MOSMO: variants seen among roughly 807,000 people sequenced by gnomAD.
MOSMO encodes modulator of smoothened protein.
Under a neutral mutation model 18.4 loss-of-function variants are expected in MOSMO, and 5 were observed. The ratio of observed to expected loss-of-function variants is 0.27; its 90% confidence interval spans 0.14 to 0.57. The LOEUF is 0.57. Among genes scored for constraint, MOSMO ranks in the 20% least tolerant of loss-of-function variants. The pLI is 0.92. For synonymous variants in MOSMO, 82 were observed against 82.3 expected (o/e 1.00, Z 0.02); for missense variants, 138 against 211.8 (o/e 0.65, Z 2.16).
rs190757001 is a variant in MOSMO, at chr16:22,071,893, A to G, written c.107-3594A>G. 2.0e-5 allele frequency among the ~76,000 whole-genome samples: 3 copies of G among 152,336 alleles called. No homozygotes were observed. In the East Asian group the frequency reaches 5.8e-4, roughly 29 times the overall value. The stretch of plus-strand genomic sequence containing the variant: ...ATAAGTGTGCAGAAACCACATTAAG[A>G]TAGCTCTACAGTAGAGAACTTATTT... On this transcript the variant is annotated intron_variant, in intron 1 of 2. Coordinates refer to ENST00000542527, the MANE Select transcript of MOSMO (RefSeq NM_001164579.2).
intron 1 of MOSMO, among the ~76,000 whole-genome samples, chr16:22,060,688 C>T (rs929035336): frequency 3.9e-5 from 6 of 152,238 alleles, no homozygotes; most frequent in Admixed American, 3.9e-4. Context: ...GTCTGGCCAA[C>T]ATGGTGATAC....
chr16:22,035,120 C>A (rs907170505), intron 1 of MOSMO, among the ~76,000 whole-genome samples: 1 of 151,944 alleles, frequency 6.6e-6, no homozygotes, highest in Non-Finnish European at 1.5e-5. Flanking sequence ...ATATGAATGA[C>A]GGTAAGGTAC....
intron 1 of MOSMO, among the ~76,000 whole-genome samples, chr16:22,045,254 T>G (rs1371678672): frequency 6.6e-6 from 1 of 152,114 alleles, no homozygotes; most frequent in Admixed American, 6.5e-5. Flanking sequence ...TGGTTTCTTA[T>G]ACACAATCAA....
intron 1 of MOSMO, 162 bp from the exon 2 acceptor site, chr16:22,075,325 A>G (rs1288326482): frequency 1.1e-5 from 8 of 705,486 alleles, no homozygotes; most frequent in African/African-American, 1.7e-5. Flanking sequence ...AAGTATTACT[A>G]CGTTATGAAC....
chr16:22,027,647 C>CA (rs1899903041), intron 1 of MOSMO, among the ~76,000 whole-genome samples: 1 of 152,174 alleles, frequency 6.6e-6, no homozygotes, highest in Non-Finnish European at 1.5e-5. Flanking sequence ...AATTTCTTAT[C>CA]AGAGTGCCCT....
chr16:22,014,832 C>CA, intron 1 of MOSMO, among the ~76,000 whole-genome samples: 1 of 152,150 alleles, frequency 6.6e-6, no homozygotes, highest in Non-Finnish European at 1.5e-5. Context: ...CCTAAAAGGG[C>CA]AAACATTTTG....
intron 1 of MOSMO, among the ~76,000 whole-genome samples, chr16:22,050,691 A>G (rs935005496): frequency 6.6e-6 from 1 of 151,836 alleles, no homozygotes; most frequent in African/African-American, 2.4e-5. Context: ...GGGGTTTGAA[A>G]TCATCATAGG....
At chr16:22,030,726 G>A (rs1467568062) in intron 1 of MOSMO, among the ~76,000 whole-genome samples, 1 of 152,092 alleles carries the variant, frequency 6.6e-6, no homozygotes, top group East Asian at 1.9e-4. Context: ...ACGGAGTTTT[G>A]CCATGTGGGC....
chr16:22,080,382 A>G (rs554156358), intron 2 of MOSMO, among the ~76,000 whole-genome samples: 93 of 152,308 alleles, frequency 6.1e-4, no homozygotes, highest in Non-Finnish European at 6.8e-4. Flanking sequence ...GACTCTAGCT[A>G]GTGCCCTTAA....
intron 1 of MOSMO, among the ~76,000 whole-genome samples, chr16:22,011,538 G>A (rs1203352943): frequency 1.3e-5 from 2 of 152,142 alleles, no homozygotes; most frequent in African/African-American, 4.8e-5. Flanking sequence ...TAGAATAGGG[G>A]ACCCAATAAA....
chr16:22,015,801 CAGAA>C (rs1899624632), intron 1 of MOSMO, among the ~76,000 whole-genome samples: 1 of 152,000 alleles, frequency 6.6e-6, no homozygotes, highest in African/African-American at 2.4e-5. Flanking sequence ...GGAGCCACTT[CAGAA>C]TTAAGACTAT....
At chr16:22,087,618 TCTTTAAAAA>T (rs1357529775), downstream of MOSMO, 1 of 152,214 alleles carries the variant, frequency 6.6e-6, no homozygotes, top group Non-Finnish European at 1.5e-5. Context: ...AATAAATTGC[TCTTTAAAAA>T]CTGACATATC....
intron 1 of MOSMO, among the ~76,000 whole-genome samples, chr16:22,014,482 A>G (rs1302238421): frequency 6.6e-6 from 1 of 152,036 alleles, no homozygotes; most frequent in East Asian, 1.9e-4. Flanking sequence ...GCTACCTCCT[A>G]CCTACTTCAT....
Position 22,080,844 on chromosome 16 carries a change from A to G in MOSMO, c.468A>G (p.Gly156=), listed in dbSNP as rs1482086011. The change falls in exon 3 of 3, where the codon GGA becomes GGG. Residue 156 remains glycine (G), a synonymous_variant. Coordinates refer to ENST00000542527, the MANE Select transcript of MOSMO (RefSeq NM_001164579.2). ...TATCAATTTTCTTTACAATAGTAGG[A>G]CTTCTATTTGCTGGCAAAGTTTGTT... ...FVLSIFFTIV[G]LLFAGKVCLP... is the part of the protein sequence containing the mutation. 6 of 1,428,068 alleles carry G rather than the reference A, an allele frequency of 4.2e-6. No individual in the cohort carries two copies. The Admixed American group carries it at 1.2e-4, about 28-fold the overall frequency. 88.5% of individuals were successfully genotyped at this position (1,428,068 alleles called of 1,614,324 possible).
intron 1 of MOSMO, among the ~76,000 whole-genome samples, chr16:22,008,788 C>T (rs1473680933): frequency 6.8e-6 from 1 of 147,098 alleles, no homozygotes; most frequent in Non-Finnish European, 1.5e-5. Flanking sequence ...CGGGAGGAAA[C>T]TGAGGCTCCT....
intron 1 of MOSMO, among the ~76,000 whole-genome samples, chr16:22,011,606 C>G (rs1438311880): frequency 6.6e-6 from 1 of 152,056 alleles, no homozygotes; most frequent in Non-Finnish European, 1.5e-5. Context: ...GGCAGGGGAT[C>G]GTAGGCACAA....
At chr16:22,021,458 T>A (rs1899760881) in intron 1 of MOSMO, among the ~76,000 whole-genome samples, 1 of 151,964 alleles carries the variant, frequency 6.6e-6, no homozygotes, top group Admixed American at 6.6e-5. Context: ...AAAATAAAAG[T>A]GAGTGTATAT....
intron 1 of MOSMO, among the ~76,000 whole-genome samples, chr16:22,063,955 G>A (rs1900701170): frequency 1.3e-5 from 2 of 152,154 alleles, no homozygotes; most frequent in African/African-American, 4.8e-5. Context: ...GTTTTGAAGT[G>A]GGTAATTCAA....
chr16:22,049,088 G>T (rs543340951), intron 1 of MOSMO, among the ~76,000 whole-genome samples: 5 of 152,266 alleles, frequency 3.3e-5, no homozygotes, highest in African/African-American at 1.2e-4. Flanking sequence ...AATACATATA[G>T]AAATTTATGT....
Sources: gnomAD v4.1 joint callset for allele counts (sites outside exome capture counted in the v4.1 genomes callset) on GRCh38, gnomAD v4.1.1 for gene constraint, MANE v1.5 for transcripts, NCBI Gene and HGNC (gene_info 2026-07-23, HGNC 2026-07-21) for gene names.